PCMT1: variants seen among roughly 807,000 people sequenced by gnomAD.
PCMT1 encodes the protein protein-L-isoaspartate (D-aspartate) O-methyltransferase.
PCMT1 carries 9 observed loss-of-function variants against 29.2 expected under a neutral mutation model. The observed-to-expected ratio is 0.31, with a 90% confidence interval of 0.19 to 0.54. PCMT1 has a LOEUF of 0.54. Ranked by LOEUF, PCMT1 falls within the 20% of genes least tolerant of loss-of-function variation. PCMT1 has a pLI of 0.95. For missense variants in PCMT1, 184 were observed against 282.2 expected, an observed-to-expected ratio of 0.65 and a Z score of 2.49; for synonymous variants, 98 against 97.5, an observed-to-expected ratio of 1.00 and a Z score of -0.03.
At chr6:149,760,007 C>A (rs951239543) in intron 1 of PCMT1, among the ~76,000 whole-genome samples, 1 of 152,148 alleles carries the variant, frequency 6.6e-6, no homozygotes, top group African/African-American at 2.4e-5. Context: ...AGCCCAGGTT[C>A]GTAGTTGAAA....
rs58659986 is a variant in PCMT1 at position 149,758,185 on chromosome 6, A to AT, written c.55+8239dup. On this transcript the variant is annotated intron_variant, in intron 1 of 7. Coordinates refer to ENST00000464889, the MANE Select transcript of PCMT1 (RefSeq NM_001360452.2). Reference sequence around the variant, plus strand: ...AGGAGTGAGCCACTGCGCCCAACCAATTTTTTTTTTCTTTCTTTCTTTCTT... The same window carrying AT: ...AGGAGTGAGCCACTGCGCCCAACCAATTTTTTTTTTTCTTTCTTTCTTTCTT... Among the ~76,000 whole-genome samples, 240 of 100,796 alleles carry AT rather than the reference A, an allele frequency of 2.4e-3. 1 individual carries two copies. The highest frequency in any genetic ancestry group is 8.3e-3 in the African/African-American group (203 of 24,424). The allele number at this position is 100,796 out of a possible 152,430, so 66.1% of individuals were successfully genotyped here.
At chr6:149,788,895 T>A (rs1362600895) in intron 3 of PCMT1, among the ~76,000 whole-genome samples, 1 of 152,176 alleles carries the variant, frequency 6.6e-6, no homozygotes, top group Non-Finnish European at 1.5e-5. Flanking sequence ...ATTTTCTTAA[T>A]TTTTTCTATG....
At chr6:149,777,845 CT>C (rs1787636627) in intron 3 of PCMT1, among the ~76,000 whole-genome samples, 1 of 140,690 alleles carries the variant, frequency 7.1e-6, no homozygotes, top group Admixed American at 7.3e-5. Flanking sequence ...TTTCTCCTTC[CT>C]TCCTTCCTTC....
chr6:149,802,624 T>TC, intron 7 of PCMT1: 1 of 516,584 alleles, frequency 1.9e-6, no homozygotes, highest in Non-Finnish European at 2.7e-6. Flanking sequence ...TGTTTGTTTG[T>TC]TTGTTTTTTT....
chr6:149,755,674 A>G (rs1460005766), intron 1 of PCMT1, among the ~76,000 whole-genome samples: 1 of 152,188 alleles, frequency 6.6e-6, no homozygotes, highest in Admixed American at 6.6e-5. Context: ...TTTTACATAT[A>G]TAATGTTTAT....
intron 1 of PCMT1, among the ~76,000 whole-genome samples, chr6:149,761,375 G>T (rs12205092): frequency 0.34 from 52,324 of 151,886 alleles, 10,659 homozygotes; most frequent in East Asian, 0.81. Flanking sequence ...AAAAGATACA[G>T]AATAAGATGA....
chr6:149,788,559 G>T (rs1788218908), intron 3 of PCMT1, among the ~76,000 whole-genome samples: 1 of 152,224 alleles, frequency 6.6e-6, no homozygotes. Context: ...TTCAATATAG[G>T]TTATGCATTT....
At chr6:149,764,169 C>G (rs1786974644) in intron 1 of PCMT1, among the ~76,000 whole-genome samples, 1 of 152,172 alleles carries the variant, frequency 6.6e-6, no homozygotes, top group Non-Finnish European at 1.5e-5. Context: ...TAGTAGAACT[C>G]ACTAAGCTAT....
intron 1 of PCMT1, among the ~76,000 whole-genome samples, chr6:149,750,858 TATA>T (rs1306150142): frequency 1.3e-5 from 2 of 152,190 alleles, no homozygotes; most frequent in Non-Finnish European, 1.5e-5. Flanking sequence ...GGCCGCAGTC[TATA>T]ATAAACTCAC....
At chr6:149,770,457 C>T (rs1171058477) in intron 1 of PCMT1, among the ~76,000 whole-genome samples, 1 of 152,076 alleles carries the variant, frequency 6.6e-6, no homozygotes, top group Non-Finnish European at 1.5e-5. Context: ...CACCTATAAT[C>T]CAGCTTTGGG....
chr6:149,765,037 C>G (rs1170901319), intron 1 of PCMT1, among the ~76,000 whole-genome samples: 1 of 143,372 alleles, frequency 7.0e-6, no homozygotes, highest in Non-Finnish European at 1.5e-5. Context: ...GATTCCGTCT[C>G]TAAATAAATA....
At chr6:149,809,224 A>G (rs999491438) in intron 7 of PCMT1, among the ~76,000 whole-genome samples, 1 of 130,046 alleles carries the variant, frequency 7.7e-6, no homozygotes, top group Non-Finnish European at 1.5e-5. Context: ...ACACCACTGC[A>G]CTCCAGCCTA....
At chr6:149,795,678 A>G (rs766412089) in intron 5 of PCMT1, 12 of 367,140 alleles carry the variant, frequency 3.3e-5, no homozygotes, top group Non-Finnish European at 6.2e-5. Context: ...TCCTGATGGC[A>G]TAACTGTTCC....
At chr6:149,754,092 T>A (rs1028035477) in intron 1 of PCMT1, among the ~76,000 whole-genome samples, 3 of 152,224 alleles carry the variant, frequency 2.0e-5, no homozygotes, top group Non-Finnish European at 4.4e-5. Flanking sequence ...AGAAAAAGTC[T>A]ATAGCAGTCT....
intron 1 of PCMT1, among the ~76,000 whole-genome samples, chr6:149,750,825 C>A (rs915103942): frequency 1.3e-5 from 2 of 152,004 alleles, no homozygotes; most frequent in African/African-American, 4.8e-5. Context: ...TATAGCGTCC[C>A]CGTTTTGTTG....
At chr6:149,799,365 T>C (rs1788732791) in intron 6 of PCMT1, among the ~76,000 whole-genome samples, 1 of 152,126 alleles carries the variant, frequency 6.6e-6, no homozygotes, top group African/African-American at 2.4e-5. Flanking sequence ...TGTTAAGGAC[T>C]GGTAATCAGA....
At chr6:149,793,805 GATTA>G in intron 5 of PCMT1, 136 bp downstream of exon 5, 1 of 713,382 alleles carries the variant, frequency 1.4e-6, no homozygotes, top group East Asian at 3.7e-5. Flanking sequence ...AAATAAAAAC[GATTA>G]TTTTTGCTCA....
rs1328640605 is a variant in PCMT1 at position 149,786,347 on chromosome 6, C to T, written c.193-3607C>T. Among the ~76,000 whole-genome samples the T allele has an allele frequency of 3.5e-4, 33 of 94,058 alleles. 3 individuals carry two copies. In the East Asian group the frequency reaches 0.014, roughly 39 times the overall value. The allele number at this position is 94,058 out of a possible 152,430, so 61.7% of individuals were successfully genotyped here. ...CCCCCCACCTCCCTCCCGGACGGGG[C>T]GGCTGGCCGGGCGGGGGGCTGACCC... On this transcript the variant is annotated intron_variant, in intron 3 of 7. Transcript: ENST00000464889.
At chr6:149,786,272 C>T (rs1476705071) in intron 3 of PCMT1, among the ~76,000 whole-genome samples, 1 of 53,764 alleles carries the variant, frequency 1.9e-5, no homozygotes, top group Non-Finnish European at 2.9e-5. Context: ...GGGGTGCTGA[C>T]CCCCCCCACC....
Sources: gnomAD v4.1 joint callset for allele counts (sites outside exome capture counted in the v4.1 genomes callset) on GRCh38, gnomAD v4.1.1 for gene constraint, MANE v1.5 for transcripts, NCBI Gene and HGNC (gene_info 2026-07-23, HGNC 2026-07-21) for gene names.